The following MAOB variants were observed in gnomAD, a reference collection of about 807,000 sequenced individuals.
MAOB encodes the protein amine oxidase [flavin-containing] B.
In MAOB, 15 loss-of-function variants were observed where a neutral mutation model predicts 41.9. The ratio of observed to expected loss-of-function variants is 0.36; its 90% CI spans 0.24 to 0.55. The LOEUF is 0.55. Ranked by LOEUF, MAOB falls within the 20% of genes least tolerant of loss-of-function variation. The pLI is 0.86. For synonymous variants in MAOB, 167 were observed against 144.2 expected, an observed-to-expected ratio of 1.16 and a Z score of -1.13; for missense variants, 345 against 398.7, an observed-to-expected ratio of 0.87 and a Z score of 1.15.
intron 3 of MAOB, among the ~76,000 whole-genome samples, chrX:43,829,480 G>C (rs965477638): frequency 2.7e-5 from 3 of 112,090 alleles, no homozygotes; most frequent in Admixed American, 9.5e-5. Context: ...TAAGGTTTTT[G>C]TAAGTGTTCA....
At chrX:43,802,830 G>A (rs2034613494) in intron 4 of MAOB, among the ~76,000 whole-genome samples, 2 of 110,688 alleles carry the variant, frequency 1.8e-5, no homozygotes, top group Non-Finnish European at 3.8e-5. Context: ...CCTAATGCAT[G>A]TGGGGCTTAA....
At position 43,803,440 on chromosome X, in the gene MAOB, T is replaced by C. The variant is rs373838097; in HGVS notation, c.280-36A>G. ...CAAGATATTTTTAAAAGGAAATATTTACTACAATGTAAAAGTAGGTAATCT... is the reference window on the plus strand; with the variant it reads ...CAAGATATTTTTAAAAGGAAATATTCACTACAATGTAAAAGTAGGTAATCT... On this transcript the variant is annotated intron_variant, in intron 3 of 14. Coordinates refer to ENST00000378069, the MANE Select transcript of MAOB (RefSeq NM_000898.5). The C allele has an allele frequency of 7.0e-6, 8 of 1,149,124 alleles. No individual in the cohort carries two copies. The African/African-American group carries it at 1.1e-4, about 16-fold the overall frequency. 94.7% of individuals were successfully genotyped at this position (1,149,124 alleles called of 1,213,427 possible).
At chrX:43,833,554 C>T (rs1205346174) in intron 3 of MAOB, among the ~76,000 whole-genome samples, 1 of 111,470 alleles carries the variant, frequency 9.0e-6, no homozygotes, top group Non-Finnish European at 1.9e-5. Flanking sequence ...CTCCTTTGGA[C>T]TACTTGGCCA....
intron 10 of MAOB, 48 bp from the exon 11 acceptor site, chrX:43,778,787 G>GA (rs761412383): frequency 8.3e-4 from 786 of 952,036 alleles, no homozygotes; most frequent in Non-Finnish European, 8.5e-4. Flanking sequence ...AGAAGGGAGG[G>GA]AAAAAAAAAG....
At chrX:43,877,449 A>G (rs1278737450) in intron 1 of MAOB, among the ~76,000 whole-genome samples, 6 of 111,322 alleles carry the variant, frequency 5.4e-5, no homozygotes, top group Non-Finnish European at 1.1e-4. Context: ...TCAAGCAGAA[A>G]GAACAAGGCT....
intron 1 of MAOB, among the ~76,000 whole-genome samples, chrX:43,858,781 A>G (rs1355146604): frequency 9.0e-6 from 1 of 111,582 alleles, no homozygotes; most frequent in Admixed American, 9.6e-5. Context: ...CACTCAGATT[A>G]TTTTTGGAAA....
At chrX:43,821,604 G>A (rs1169761262) in intron 3 of MAOB, among the ~76,000 whole-genome samples, 1 of 111,913 alleles carries the variant, frequency 8.9e-6, no homozygotes, top group Non-Finnish European at 1.9e-5. Flanking sequence ...GGGATAGAGA[G>A]GGAGGGAGAA....
chrX:43,872,516 G>T (rs1167294562), intron 1 of MAOB, among the ~76,000 whole-genome samples: 1 of 111,479 alleles, frequency 9.0e-6, no homozygotes, highest in Non-Finnish European at 1.9e-5. Flanking sequence ...TGCCTTAAAA[G>T]AATTTCTAAC....
chrX:43,872,432 T>C (rs1346754074), intron 1 of MAOB, among the ~76,000 whole-genome samples: 1 of 111,779 alleles, frequency 8.9e-6, no homozygotes, highest in Non-Finnish European at 1.9e-5. Context: ...GGCTAAGAAG[T>C]CCATTATTAC....
intron 12 of MAOB, among the ~76,000 whole-genome samples, 192 bp downstream of exon 12, chrX:43,774,983 G>A (rs1185148599): frequency 9.3e-6 from 1 of 107,936 alleles, no homozygotes; most frequent in Non-Finnish European, 1.9e-5. Flanking sequence ...GCACCATGAT[G>A]TATGTATAAT....
chrX:43,881,040 C>T (rs909368640), intron 1 of MAOB, among the ~76,000 whole-genome samples: 7 of 113,158 alleles, frequency 6.2e-5, no homozygotes, highest in East Asian at 2.8e-4. Flanking sequence ...GTTGTGATTA[C>T]GCATCTATGT....
At chrX:43,816,789 G>T (rs2034819499) in intron 3 of MAOB, among the ~76,000 whole-genome samples, 1 of 111,809 alleles carries the variant, frequency 8.9e-6, no homozygotes, top group Admixed American at 9.5e-5. Flanking sequence ...TTCCTTTTTG[G>T]ATTCCAGTGG....
chrX:43,815,753 C>T (rs2034804922), intron 3 of MAOB, among the ~76,000 whole-genome samples: 1 of 112,038 alleles, frequency 8.9e-6, no homozygotes, highest in African/African-American at 3.2e-5. Flanking sequence ...CCAGAACTCT[C>T]ATATCTTGCT....
intron 8 of MAOB, among the ~76,000 whole-genome samples, chrX:43,789,396 A>C (rs774282859): frequency 8.9e-6 from 1 of 112,640 alleles, no homozygotes; most frequent in South Asian, 3.7e-4. Flanking sequence ...TTTTATGGTC[A>C]TTATATTTAT....
chrX:43,799,681 A>G (rs1022055607), intron 5 of MAOB, among the ~76,000 whole-genome samples: 1 of 111,408 alleles, frequency 9.0e-6, no homozygotes, highest in Non-Finnish European at 1.9e-5. Context: ...TTAGTGCAAT[A>G]TTTCCGTATT....
In MAOB at chrX:43,863,690, T is replaced by C. The variant is rs146945490; in HGVS notation, c.46+18564A>G. ...AACTGATCAACTTTCTTTGTAAATT[T>C]ATACTTTTGAGATCCCTAAATTAAG... On this transcript the variant is annotated intron_variant, in intron 1 of 14. Transcript: ENST00000378069. 3.2e-3 allele frequency among the ~76,000 whole-genome samples: 355 copies of C among 111,920 alleles called. 6 individuals are homozygous for C. The highest frequency in any genetic ancestry group is 4.4e-3 in the Non-Finnish European group (235 of 53,107).
At chrX:43,817,867 T>C (rs766179299) in intron 3 of MAOB, among the ~76,000 whole-genome samples, 1 of 112,384 alleles carries the variant, frequency 8.9e-6, no homozygotes, top group East Asian at 2.8e-4. Context: ...TCATAGCAAC[T>C]GAGACTATGT....
At chrX:43,840,757 C>T (rs2035125896) in intron 2 of MAOB, among the ~76,000 whole-genome samples, 1 of 111,033 alleles carries the variant, frequency 9.0e-6, no homozygotes, top group African/African-American at 3.3e-5. Flanking sequence ...TGCATTCTGG[C>T]CCAGATACTT....
At chrX:43,818,440 T>A (rs2034844491) in intron 3 of MAOB, among the ~76,000 whole-genome samples, 1 of 112,004 alleles carries the variant, frequency 8.9e-6, no homozygotes, top group South Asian at 3.7e-4. Flanking sequence ...GTGCTTAACA[T>A]CAAGCTAGTT....
Sources: gnomAD v4.1 joint callset for allele counts (sites outside exome capture counted in the v4.1 genomes callset) on GRCh38, gnomAD v4.1.1 for gene constraint, MANE v1.5 for transcripts, NCBI Gene and HGNC (gene_info 2026-07-23, HGNC 2026-07-21) for gene names.